DNAAF5: variants seen among roughly 807,000 people sequenced by gnomAD.
DNAAF5 encodes the protein dynein axonemal assembly factor 5, also known as HEAT repeat containing 2.
A neutral mutation model predicts 75.8 loss-of-function variants in DNAAF5; 64 were observed. The observed-to-expected ratio is 0.84, with a 90% CI of 0.69 to 1.04. The LOEUF (loss-of-function observed/expected upper bound fraction) is 1.04, where lower values mean the gene tolerates loss of function less well. Ranked by LOEUF, DNAAF5 falls within the 50% of genes least tolerant of loss-of-function variation. The pLI, the probability that DNAAF5 is intolerant of heterozygous loss-of-function variation, is 0.00. For missense variants in DNAAF5, 1,269 were observed against 1,178.5 expected (o/e 1.08, Z -1.12); for synonymous variants, 657 against 557.2 (o/e 1.18, Z -2.52).
Position 754,716 on chromosome 7 carries a change from A to G in DNAAF5, c.1152A>G (p.Pro384=), listed in dbSNP as rs747369783. The stretch of plus-strand genomic sequence containing the variant: ...GAGTGAAGTCGGCACAGCTGCTCCC[A>G]GTGCTGCTGCTGCATGCCGAGGACC... ...GTRVKSAQLL[P]VLLLHAEDHA... is the part of the protein sequence containing the mutation. The change falls in exon 5 of 13, where the codon CCA becomes CCG. Residue 384 remains proline (P), a synonymous_variant. Transcript: ENST00000297440. This position sits in a 1 kb window ranked among gnomAD's most constrained non-coding sequence, Gnocchi z 4.8. 6.2e-6 allele frequency: 10 copies of G among 1,613,910 alleles called. No individual in the cohort carries two copies. Among genetic ancestry groups the G allele is most frequent in the South Asian group, 3.3e-5 (3 of 91,088 alleles).
intron 12 of DNAAF5, 72 bp downstream of exon 12, chr7:780,216 GC>G: frequency 1.4e-6 from 2 of 1,451,126 alleles, no homozygotes; most frequent in Non-Finnish European, 1.9e-6. Flanking sequence ...CTGTAGCTGA[GC>G]CGTGTGACCG....
In DNAAF5 at chr7:726,815, G is replaced by A; in HGVS notation, c.95G>A (p.Ser32Asn). Residue 32 changes from serine to asparagine, a missense_variant, in exon 1 of 13, where the codon AGC (serine) becomes AAC (asparagine). Ser to Asn is a conservative substitution (Grantham distance 46). Coordinates refer to ENST00000297440, the MANE Select transcript of DNAAF5 (RefSeq NM_017802.4). The stretch of plus-strand genomic sequence containing the variant: ...GCGGTGGAGCTGAGCCGCGCCCTGA[G>A]CCGCCTGCTGCCGGGGCTGGAGGCC... Reference protein sequence around the residue: ...AEAVELSRALSRLLPGLEADS... With the variant: ...AEAVELSRALNRLLPGLEADS... 7.6e-7 allele frequency: 1 copy of A among 1,323,088 alleles called. No individual in the cohort carries two copies. The highest frequency in any genetic ancestry group is 9.6e-7 in the Non-Finnish European group (1 of 1,039,814). 82.0% of individuals were successfully genotyped at this position (1,323,088 alleles called of 1,614,324 possible).
At chr7:753,885 T>C (rs1782393374) in intron 4 of DNAAF5, among the ~76,000 whole-genome samples, 1 of 139,734 alleles carries the variant, frequency 7.2e-6, no homozygotes, top group Non-Finnish European at 1.5e-5. Flanking sequence ...CGCAGGCGTC[T>C]CTCTCTCATC....
chr7:740,662 T>C (rs963550284), intron 2 of DNAAF5, among the ~76,000 whole-genome samples, 157 bp from the exon 3 acceptor site: 2 of 152,214 alleles, frequency 1.3e-5, no homozygotes, highest in African/African-American at 4.8e-5. Context: ...CGCCTCTGTC[T>C]TGGGGATGGC....
At chr7:768,838 G>A (rs145372595) in intron 8 of DNAAF5, 39 of 341,268 alleles carry the variant, frequency 1.1e-4, no homozygotes, top group African/African-American at 6.1e-4. Context: ...TTTTAAGCCA[G>A]AAACACTGTC....
chr7:751,780 GT>G (rs1195508842), intron 4 of DNAAF5, among the ~76,000 whole-genome samples: 11 of 152,030 alleles, frequency 7.2e-5, no homozygotes, highest in Non-Finnish European at 1.2e-4. Context: ...CACCATGTTA[GT>G]CAGGGTGGTC....
intron 2 of DNAAF5, among the ~76,000 whole-genome samples, chr7:739,046 C>T (rs1034157105): frequency 6.6e-6 from 1 of 150,480 alleles, no homozygotes; most frequent in Non-Finnish European, 1.5e-5. Flanking sequence ...CATCACTGTA[C>T]ACCTGTTTGG....
intron 12 of DNAAF5, 109 bp from the exon 13 acceptor site, chr7:785,408 A>G: frequency 7.4e-6 from 9 of 1,208,248 alleles, no homozygotes; most frequent in Non-Finnish European, 1.1e-5. Flanking sequence ...GGTTATTTGC[A>G]GATGCTTTTA....
At chr7:769,946 TTTTG>T (rs1459847240) in intron 8 of DNAAF5, among the ~76,000 whole-genome samples, 3 of 151,110 alleles carry the variant, frequency 2.0e-5, no homozygotes, top group Non-Finnish European at 2.9e-5. Context: ...CACGTCCAGG[TTTTG>T]TTTTTGTTTT....
chr7:767,810 G>A (rs1330265971), intron 8 of DNAAF5, among the ~76,000 whole-genome samples: 1 of 147,822 alleles, frequency 6.8e-6, no homozygotes, highest in Non-Finnish European at 1.5e-5. Flanking sequence ...CCGCTGGGAG[G>A]GCAGACACGT....
intron 11 of DNAAF5, chr7:778,587 C>T (rs933243104): frequency 1.3e-5 from 2 of 152,242 alleles, no homozygotes; most frequent in African/African-American, 2.4e-5. Flanking sequence ...ACACAATAGC[C>T]AGTGCCACTC....
At position 774,016 on chromosome 7, in the gene DNAAF5, C is replaced by G. The variant is rs183077458; in HGVS notation, c.1932-32C>G. The G allele has an allele frequency of 4.4e-5, 71 of 1,613,764 alleles. No individual in the cohort carries two copies. In the African/African-American group the frequency reaches 8.7e-4, roughly 20 times the overall value. ...CGTTTCTTCCGAGCACCTGTCCGGT[C>G]TCCTCATCCACCCTCTCCGTTCCGG... On this transcript the variant is annotated intron_variant, in intron 9 of 12. Transcript: ENST00000297440.
chr7:727,032 G>C lies in DNAAF5; in HGVS notation c.312G>C (p.Leu104=). The change falls in exon 1 of 13, where the codon CTG becomes CTC. Residue 104 remains leucine, a synonymous_variant. Transcript: ENST00000297440. The part of the protein sequence containing the change: ...ALAVHLLDLG[L]RRAARPRDAL... The stretch of plus-strand genomic sequence containing the variant: ...CAGTGCACCTGCTGGATCTGGGCCT[G>C]CGCCGCGCCGCGCGGCCCCGCGATG... 3 of 1,131,736 alleles carry C rather than the reference G, an allele frequency of 2.7e-6. No homozygotes were observed. The highest frequency in any genetic ancestry group is 4.2e-5 in the South Asian group (1 of 23,828). The allele number at this position is 1,131,736 out of a possible 1,614,324, so 70.1% of individuals were successfully genotyped here.
chr7:748,703 C>T (rs1245462336), intron 4 of DNAAF5, among the ~76,000 whole-genome samples: 1 of 152,162 alleles, frequency 6.6e-6, no homozygotes, highest in African/African-American at 2.4e-5. Context: ...ACCGCTCGCT[C>T]CAGGGGCCAG....
intron 9 of DNAAF5, chr7:772,084 G>A (rs34411410): frequency 0.14 from 20,804 of 152,314 alleles, 1,650 homozygotes; most frequent in East Asian, 0.28. Context: ...CCTGCTGACC[G>A]CAGCTGTGAG....
chr7:745,796 G>T (rs193204266), intron 4 of DNAAF5, among the ~76,000 whole-genome samples: 6 of 152,380 alleles, frequency 3.9e-5, no homozygotes, highest in South Asian at 2.1e-4. Flanking sequence ...GGCCCTGCTA[G>T]TAGGTTCCCG....
chr7:785,475 T>G (rs762250675), intron 12 of DNAAF5, 42 bp from the exon 13 acceptor site: 2 of 1,601,718 alleles, frequency 1.2e-6, no homozygotes, highest in Non-Finnish European at 1.7e-6. Flanking sequence ...ATTGGTTTCA[T>G]GTTTGTTTCT....
chr7:751,955 CGTG>C (rs1782310702), intron 4 of DNAAF5, among the ~76,000 whole-genome samples: 1 of 152,100 alleles, frequency 6.6e-6, no homozygotes, highest in Non-Finnish European at 1.5e-5. Context: ...GTGAAATTCT[CGTG>C]GGCGTGCAAA....
At chr7:737,078 TTTTA>T (rs1417810897) in intron 2 of DNAAF5, among the ~76,000 whole-genome samples, 3 of 151,906 alleles carry the variant, frequency 2.0e-5, no homozygotes, top group Non-Finnish European at 4.4e-5. Context: ...TTATTTTTAT[TTTTA>T]TTTATTTATT....
Sources: gnomAD v4.1 joint callset for allele counts (sites outside exome capture counted in the v4.1 genomes callset) on GRCh38, gnomAD v4.1.1 for gene constraint, Gnocchi (gnomAD v3.1) non-coding constraint, MANE v1.5 for transcripts, NCBI Gene and HGNC (gene_info 2026-07-23, HGNC 2026-07-21) for gene names.